The following ALDH1A1 variants were observed in gnomAD, a reference collection of about 807,000 sequenced individuals.
ALDH1A1 encodes aldehyde dehydrogenase 1 family member A1.
ALDH1A1 carries 19 observed loss-of-function variants against 62.1 expected under a neutral mutation model. The ratio of observed to expected loss-of-function variants is 0.31; its 90% CI spans 0.21 to 0.45. The LOEUF (loss-of-function observed/expected upper bound fraction) is 0.45, where lower values mean the gene tolerates loss of function less well. Among genes scored for constraint, ALDH1A1 ranks in the 20% least tolerant of loss-of-function variants. The pLI, the probability that ALDH1A1 is intolerant of heterozygous loss-of-function variation, is 1.00. For synonymous variants in ALDH1A1, 231 were observed against 215.9 expected, an observed-to-expected ratio of 1.07 and a Z score of -0.61; for missense variants, 521 against 607.1, an observed-to-expected ratio of 0.86 and a Z score of 1.49.
chr9:72,908,526 AG>A, intron 11 of ALDH1A1, among the ~76,000 whole-genome samples: 2 of 142,856 alleles, frequency 1.4e-5, no homozygotes, highest in Non-Finnish European at 3.0e-5. Flanking sequence ...AAAGAAAGAA[AG>A]AAAGAAAGAA....
At position 72,900,981 on chromosome 9, in the gene ALDH1A1, T is replaced by C; in HGVS notation, c.*227A>G. Reference sequence around the variant, plus strand: ...GAGAGATCATACATCCGAATTTGTCTTTTTTTATTTAGGATAGGACTTGGG... The same window carrying C: ...GAGAGATCATACATCCGAATTTGTCCTTTTTTATTTAGGATAGGACTTGGG... On this transcript the variant is annotated 3_prime_UTR_variant, in exon 13 of 13. Transcript: ENST00000297785. The C allele has an allele frequency of 2.7e-6, 1 of 370,404 alleles. No individual in the cohort carries two copies. Among genetic ancestry groups the C allele is most frequent in the South Asian group, 7.6e-5 (1 of 13,182 alleles). The allele number at this position is 370,404 out of a possible 1,614,324, so 22.9% of individuals were successfully genotyped here. A position where few individuals can be genotyped will look rare whatever the true frequency, so the allele number is the denominator to read the frequency against.
At chr9:72,919,722 C>G (rs1830113742) in intron 7 of ALDH1A1, among the ~76,000 whole-genome samples, 1 of 152,204 alleles carries the variant, frequency 6.6e-6, no homozygotes, top group African/African-American at 2.4e-5. Flanking sequence ...CTTTCTTTCT[C>G]TGTCTTCCCA....
At chr9:72,942,009 C>A (rs1311849201) in intron 1 of ALDH1A1, among the ~76,000 whole-genome samples, 1 of 152,008 alleles carries the variant, frequency 6.6e-6, no homozygotes, top group East Asian at 1.9e-4. Flanking sequence ...TATCAAGAAA[C>A]CCTATCAGAT....
At chr9:72,940,326 A>C (rs1470635981) in intron 1 of ALDH1A1, 74 bp from the exon 2 acceptor site, 3 of 1,059,132 alleles carry the variant, frequency 2.8e-6, no homozygotes, top group Non-Finnish European at 2.9e-6. Context: ...CATAAACTTA[A>C]ACTAAAGCAT....
intron 1 of ALDH1A1, among the ~76,000 whole-genome samples, chr9:72,951,554 T>C (rs866289256): frequency 3.3e-5 from 5 of 151,800 alleles, no homozygotes; most frequent in South Asian, 4.1e-4. Context: ...AATCTGAGCA[T>C]TGTCGACAAT....
intron 1 of ALDH1A1, among the ~76,000 whole-genome samples, chr9:72,952,532 C>T (rs1009476651): frequency 6.6e-6 from 1 of 151,928 alleles, no homozygotes; most frequent in South Asian, 2.1e-4. Context: ...TCAGTATGCT[C>T]TCTTTCTCCT....
At chr9:72,912,218 T>C in intron 9 of ALDH1A1, 96 bp from the exon 10 acceptor site, 1 of 983,118 alleles carries the variant, frequency 1.0e-6, no homozygotes, top group Admixed American at 2.6e-5. Flanking sequence ...AATGCTAAAA[T>C]ATTGCAATTA....
chr9:72,933,077 A>G (rs1830304343), intron 2 of ALDH1A1, among the ~76,000 whole-genome samples: 1 of 152,188 alleles, frequency 6.6e-6, no homozygotes, highest in South Asian at 2.1e-4. Flanking sequence ...CCCTTTTCTC[A>G]CATCTTATAT....
intron 1 of ALDH1A1, among the ~76,000 whole-genome samples, chr9:72,947,113 G>T (rs1563918321): frequency 6.6e-6 from 1 of 151,924 alleles, no homozygotes; most frequent in African/African-American, 2.4e-5. Flanking sequence ...AGTCAGGCAG[G>T]TGCCAGAAAA....
intron 5 of ALDH1A1, among the ~76,000 whole-genome samples, chr9:72,926,425 C>T (rs578084850): frequency 5.9e-5 from 9 of 152,302 alleles, no homozygotes; most frequent in South Asian, 2.1e-4. Flanking sequence ...ATAAGGACTT[C>T]GCTACCATTT....
At chr9:72,930,266 A>T (rs1259165152) in intron 3 of ALDH1A1, among the ~76,000 whole-genome samples, 1 of 152,204 alleles carries the variant, frequency 6.6e-6, no homozygotes, top group Non-Finnish European at 1.5e-5. Context: ...AAACAAAAAT[A>T]GTATTCATAA....
At chr9:72,915,332 C>T (rs1390006449) in intron 9 of ALDH1A1, among the ~76,000 whole-genome samples, 12 of 152,098 alleles carry the variant, frequency 7.9e-5, no homozygotes. Context: ...TACTGCCCAA[C>T]AATTAGGCAT....
intron 1 of ALDH1A1, among the ~76,000 whole-genome samples, chr9:72,952,673 C>G (rs1373959871): frequency 6.6e-6 from 1 of 151,882 alleles, no homozygotes; most frequent in Non-Finnish European, 1.5e-5. Context: ...CCTCTGAATC[C>G]TGGTATAAGA....
At chr9:72,935,953 A>T (rs898553859) in intron 2 of ALDH1A1, among the ~76,000 whole-genome samples, 15 of 152,188 alleles carry the variant, frequency 9.9e-5, no homozygotes, top group African/African-American at 2.9e-4. Flanking sequence ...ATAATTATTT[A>T]AAAATATGTT....
chr9:72,939,514 T>G (rs951919035), intron 2 of ALDH1A1, among the ~76,000 whole-genome samples: 2 of 151,376 alleles, frequency 1.3e-5, no homozygotes, highest in Non-Finnish European at 2.9e-5. Context: ...AAGAACAATT[T>G]CATATGAATA....
intron 1 of ALDH1A1, among the ~76,000 whole-genome samples, chr9:72,948,415 A>G (rs182253083): frequency 6.6e-6 from 1 of 152,012 alleles, no homozygotes; most frequent in East Asian, 1.9e-4. Context: ...CCTGTACTTC[A>G]GTTTCATCTC....
chr9:72,924,222 C>A, intron 6 of ALDH1A1, 90 bp from the exon 7 acceptor site: 3 of 802,110 alleles, frequency 3.7e-6, no homozygotes, highest in Admixed American at 5.6e-5. Flanking sequence ...TTAATGCCAA[C>A]CTTATGAGAT....
In ALDH1A1 at chr9:72,940,206, A is replaced by C; in HGVS notation, c.113T>G (p.Phe38Cys). 1 of 1,613,842 alleles carries C rather than the reference A, an allele frequency of 6.2e-7. No individual in the cohort carries two copies. Among genetic ancestry groups the C allele is most frequent in the Non-Finnish European group, 8.5e-7 (1 of 1,179,846 alleles). ...CTCAGTTGCAGGATTAAAGACAGGA[A>C]ATTTCTTGCCACTCACTGAATCATG... ...EWHDSVSGKKFPVFNPATEEE... is the reference protein window; with the variant it reads ...EWHDSVSGKKCPVFNPATEEE... The change falls in exon 2 of 13, where the codon TTT (phenylalanine) becomes TGT (cysteine). Residue 38 changes from phenylalanine (F) to cysteine (C), a missense_variant. By Grantham distance (205) the Phe-to-Cys change is radical. Coordinates refer to ENST00000297785, the MANE Select transcript of ALDH1A1 (RefSeq NM_000689.5).
chr9:72,921,942 C>T (rs986085674), intron 7 of ALDH1A1, among the ~76,000 whole-genome samples: 17 of 151,792 alleles, frequency 1.1e-4, no homozygotes, highest in Non-Finnish European at 2.2e-4. Flanking sequence ...AGAGAGGGAA[C>T]GTGTGGGAGC....
Sources: allele counts gnomAD v4.1 joint callset (sites outside exome capture counted in the v4.1 genomes callset), GRCh38; gene constraint gnomAD v4.1.1; transcripts MANE v1.5; gene names NCBI Gene and HGNC (gene_info 2026-07-23, HGNC 2026-07-21).